Variants in ADAMTS19 observed in about 807,000 individuals in gnomAD.
ADAMTS19 encodes A disintegrin and metalloproteinase with thrombospondin motifs 19.
In ADAMTS19, 93 loss-of-function variants were observed where a neutral mutation model predicts 153.3. That is an observed-to-expected ratio of 0.61 (90% CI 0.51 to 0.72). The LOEUF (loss-of-function observed/expected upper bound fraction) is 0.72. ADAMTS19 is among the 30% of genes least tolerant of loss of function. ADAMTS19 has a pLI of 0.00. For missense variants in ADAMTS19, 1,482 were observed against 1,552.1 expected, an observed-to-expected ratio of 0.95 and a Z score of 0.76; for synonymous variants, 600 against 556.6, an observed-to-expected ratio of 1.08 and a Z score of -1.10.
intron 6 of ADAMTS19, among the ~76,000 whole-genome samples, chr5:129,541,813 C>A (rs1752663165): frequency 6.6e-6 from 1 of 151,926 alleles, no homozygotes; most frequent in African/African-American, 2.4e-5. Context: ...GTAGAGGGAG[C>A]CATTTATGTT....
chr5:129,518,163 GT>G (rs1751676446), intron 3 of ADAMTS19, among the ~76,000 whole-genome samples: 1 of 151,930 alleles, frequency 6.6e-6, no homozygotes, highest in Admixed American at 6.6e-5. Context: ...GTCTTGAAAA[GT>G]TTTTATAGTT....
At position 129,527,616 on chromosome 5, in the gene ADAMTS19, CTTTTTT is replaced by C. The variant is rs370814072; in HGVS notation, c.1087-120_1087-115del. On this transcript the variant is annotated intron_variant, in intron 4 of 22. Transcript: ENST00000274487. ...ATAAAAAATTACTTTGCTTTACAAG[CTTTTTT>C]TTTTTTTTTTTAAAAAAAAAAAAAG... 1,337 of 177,320 alleles carry C rather than the reference CTTTTTT, an allele frequency of 7.5e-3. 17 individuals carry two copies. Among genetic ancestry groups the C allele is most frequent in the African/African-American group, 0.034 (1,174 of 34,320 alleles). The allele number at this position is 177,320 out of a possible 1,614,324, so 11.0% of individuals were successfully genotyped here. A position where few individuals can be genotyped will look rare whatever the true frequency, so the allele number is the denominator to read the frequency against.
intron 8 of ADAMTS19, among the ~76,000 whole-genome samples, chr5:129,610,085 T>C (rs1234563996): frequency 1.7e-5 from 1 of 59,610 alleles, no homozygotes; most frequent in Non-Finnish European, 4.0e-5. Flanking sequence ...ACATTCTAGG[T>C]AGTGGTATTA....
At chr5:129,696,220 C>G (rs1286882215) in intron 19 of ADAMTS19, among the ~76,000 whole-genome samples, 2 of 152,162 alleles carry the variant, frequency 1.3e-5, no homozygotes, top group African/African-American at 4.8e-5. Context: ...AAGTTTGAGA[C>G]AAGTCTGACC....
intron 19 of ADAMTS19, 39 bp from the exon 20 acceptor site, chr5:129,701,349 C>A: frequency 6.2e-7 from 1 of 1,609,130 alleles, no homozygotes; most frequent in East Asian, 2.2e-5. Context: ...AGATAGGTAT[C>A]TTTTAACTTG....
intron 2 of ADAMTS19, among the ~76,000 whole-genome samples, chr5:129,476,646 C>T (rs1388006958): frequency 6.6e-6 from 1 of 152,126 alleles, no homozygotes; most frequent in Admixed American, 6.5e-5. Flanking sequence ...AATATCTCCT[C>T]TCTGGTAATG....
At chr5:129,712,240 A>T (rs1239537539) in intron 21 of ADAMTS19, among the ~76,000 whole-genome samples, 1 of 152,178 alleles carries the variant, frequency 6.6e-6, no homozygotes, top group Non-Finnish European at 1.5e-5. Flanking sequence ...TATCACACCG[A>T]AAGCTCTCAT....
At chr5:129,633,740 C>G (rs369200042) in intron 10 of ADAMTS19, among the ~76,000 whole-genome samples, 9 of 152,096 alleles carry the variant, frequency 5.9e-5, no homozygotes, top group African/African-American at 2.2e-4. Flanking sequence ...GAAATTTTGT[C>G]TCATCTATTG....
In ADAMTS19 at chr5:129,460,963, G is replaced by C. The variant is rs73785194; in HGVS notation, c.92-139G>C. 9.8e-6 allele frequency: 12 copies of C among 1,221,632 alleles called. No homozygotes were observed. In the African/African-American group the frequency reaches 1.9e-4, roughly 19 times the overall value. The allele number at this position is 1,221,632 out of a possible 1,614,324, so 75.7% of individuals were successfully genotyped here. ...TGATCGCAAGGCTTCTGGGGTTGCAGAGTTTCAGGGTCTAGACGGGTGGTC... is the reference window on the plus strand; with the variant it reads ...TGATCGCAAGGCTTCTGGGGTTGCACAGTTTCAGGGTCTAGACGGGTGGTC... On this transcript the variant is annotated intron_variant, in intron 1 of 22. Coordinates refer to ENST00000274487, the MANE Select transcript of ADAMTS19 (RefSeq NM_133638.6).
At chr5:129,614,895 GACAA>G (rs1174229949) in intron 8 of ADAMTS19, among the ~76,000 whole-genome samples, 2 of 150,586 alleles carry the variant, frequency 1.3e-5, no homozygotes, top group Admixed American at 6.6e-5. Flanking sequence ...ACCAATAACA[GACAA>G]ACAGAGAGCC....
At chr5:129,470,784 G>A (rs1264765055) in intron 2 of ADAMTS19, among the ~76,000 whole-genome samples, 3 of 152,298 alleles carry the variant, frequency 2.0e-5, no homozygotes, top group Non-Finnish European at 2.9e-5. Flanking sequence ...AGGGAATGGT[G>A]CTGGTGAGCC....
intron 6 of ADAMTS19, among the ~76,000 whole-genome samples, chr5:129,534,445 C>T (rs1752336717): frequency 6.6e-6 from 1 of 151,886 alleles, no homozygotes; most frequent in African/African-American, 2.4e-5. Context: ...GCTTACCAAC[C>T]AAAAAAATCC....
At position 129,646,476 on chromosome 5, in the gene ADAMTS19, T is replaced by C. The variant is rs555096828; in HGVS notation, c.1873-1289T>C. On this transcript the variant is annotated intron_variant, in intron 11 of 22. Coordinates refer to ENST00000274487, the MANE Select transcript of ADAMTS19 (RefSeq NM_133638.6). ...TTCTAAAAACAGCAATAAAAACATA[T>C]TATCAAGTAAATTCTAAAAACAGAT... Among the ~76,000 whole-genome samples, 172 of 152,244 alleles carry C rather than the reference T, an allele frequency of 1.1e-3. 1 individual carries two copies. Among genetic ancestry groups the C allele is most frequent in the African/African-American group, 4.0e-3 (167 of 41,538 alleles).
chr5:129,650,098 G>A (rs1213980337), intron 13 of ADAMTS19, among the ~76,000 whole-genome samples: 1 of 152,132 alleles, frequency 6.6e-6, no homozygotes, highest in Non-Finnish European at 1.5e-5. Context: ...GCAAGCCCAG[G>A]AGGCAGAGGT....
At chr5:129,471,348 A>G (rs1750058343) in intron 2 of ADAMTS19, among the ~76,000 whole-genome samples, 1 of 151,966 alleles carries the variant, frequency 6.6e-6, no homozygotes, top group East Asian at 1.9e-4. Flanking sequence ...CCTGGGTGAC[A>G]GAGTGAGACC....
intron 13 of ADAMTS19, among the ~76,000 whole-genome samples, chr5:129,650,166 G>A (rs967341416): frequency 3.3e-5 from 5 of 152,142 alleles, no homozygotes; most frequent in African/African-American, 1.2e-4. Context: ...GTGAGACCCT[G>A]TCTCAAAGAA....
intron 6 of ADAMTS19, among the ~76,000 whole-genome samples, chr5:129,543,912 G>A (rs1752753941): frequency 6.6e-6 from 1 of 152,052 alleles, no homozygotes; most frequent in African/African-American, 2.4e-5. Context: ...TAAATTTTGG[G>A]TGTGATTTAA....
chr5:129,562,126 G>GA (rs888349276), intron 7 of ADAMTS19, among the ~76,000 whole-genome samples: 3 of 152,134 alleles, frequency 2.0e-5, no homozygotes, highest in South Asian at 4.2e-4. Flanking sequence ...TTATTTCAGT[G>GA]AAAAAATGAT....
At chr5:129,573,766 TTTCTC>T (rs1452344120) in intron 7 of ADAMTS19, among the ~76,000 whole-genome samples, 1 of 152,120 alleles carries the variant, frequency 6.6e-6, no homozygotes, top group Admixed American at 6.6e-5. Context: ...TCTTAAGATT[TTTCTC>T]TTCTCAAGAT....
Sources: gnomAD v4.1 joint callset for allele counts (sites outside exome capture counted in the v4.1 genomes callset) on GRCh38, gnomAD v4.1.1 for gene constraint, MANE v1.5 for transcripts, NCBI Gene and HGNC (gene_info 2026-07-23, HGNC 2026-07-21) for gene names.